The following GYPE variants were observed in gnomAD, a reference collection of about 807,000 sequenced individuals.
GYPE encodes glycophorin-E.
Under a neutral mutation model 11.6 loss-of-function variants are expected in GYPE, and 8 were observed. That is an observed-to-expected ratio of 0.69 (90% confidence interval 0.41 to 1.25). The LOEUF (loss-of-function observed/expected upper bound fraction) is 1.25. GYPE is among the 50% of genes most tolerant of loss of function. The pLI, the probability that GYPE is intolerant of heterozygous loss-of-function variation, is 0.01. For missense variants in GYPE, 90 were observed against 92.8 expected (o/e 0.97, Z 0.12); for synonymous variants, 28 against 29.6 (o/e 0.94, Z 0.18).
chr4:143,897,479 T>C (rs1301333734), intron 1 of GYPE, among the ~76,000 whole-genome samples: 3 of 152,010 alleles, frequency 2.0e-5, no homozygotes, highest in Admixed American at 2.0e-4. Context: ...TAAAAAAAAT[T>C]AAGTTGTATA....
intron 1 of GYPE, among the ~76,000 whole-genome samples, chr4:143,904,615 T>G (rs1298264290): frequency 6.6e-6 from 1 of 152,144 alleles, no homozygotes; most frequent in African/African-American, 2.4e-5. Flanking sequence ...CTCTTCCCTG[T>G]ATGCTACTGT....
chr4:143,891,705 C>T (rs111516901), intron 1 of GYPE, among the ~76,000 whole-genome samples: 9,175 of 152,024 alleles, frequency 0.06, 388 homozygotes, highest in Non-Finnish European at 0.096. Context: ...GGGTGCCGGC[C>T]GTTCACAGGC....
chr4:143,893,607 A>T (rs1360902038), intron 1 of GYPE, among the ~76,000 whole-genome samples: 2 of 152,096 alleles, frequency 1.3e-5, no homozygotes, highest in Non-Finnish European at 2.9e-5. Context: ...TGGATTGAAA[A>T]TTCTTTTCTT....
At chr4:143,899,000 A>G (rs1452309967) in intron 1 of GYPE, among the ~76,000 whole-genome samples, 1 of 142,994 alleles carries the variant, frequency 7.0e-6, no homozygotes, top group African/African-American at 2.6e-5. Flanking sequence ...AAAAAATATA[A>G]TGATGACTGG....
chr4:143,874,507 T>G (rs4240335), intron 3 of GYPE, among the ~76,000 whole-genome samples: 115,475 of 152,166 alleles, frequency 0.76, 44,914 homozygotes, highest in East Asian at 0.95. Flanking sequence ...ATGCAGATGC[T>G]GAACATAGCA....
intron 1 of GYPE, among the ~76,000 whole-genome samples, chr4:143,889,407 A>G: frequency 6.7e-6 from 1 of 149,168 alleles, no homozygotes. Context: ...GCAGAGTTCT[A>G]TTCCTGGCTT....
chr4:143,884,104 C>CT, intron 1 of GYPE, among the ~76,000 whole-genome samples: 1 of 151,282 alleles, frequency 6.6e-6, no homozygotes, highest in Non-Finnish European at 1.5e-5. Flanking sequence ...CTTCCCTTCC[C>CT]TCTTGGGGCT....
At chr4:143,893,784 G>A (rs969663704) in intron 1 of GYPE, among the ~76,000 whole-genome samples, 28 of 151,882 alleles carry the variant, frequency 1.8e-4, no homozygotes, top group African/African-American at 5.3e-4. Flanking sequence ...TGACAATTAC[G>A]TGTCTTGGAG....
intron 1 of GYPE, among the ~76,000 whole-genome samples, chr4:143,894,413 GCT>G: frequency 6.6e-6 from 1 of 152,014 alleles, no homozygotes; most frequent in East Asian, 1.9e-4. Context: ...CAGTTTTTCT[GCT>G]CTGTTTTTTC....
chr4:143,876,685 T>A, intron 3 of GYPE, 61 bp downstream of exon 3: 1 of 821,648 alleles, frequency 1.2e-6, no homozygotes, highest in South Asian at 1.4e-5. Context: ...CTCAGAGGAA[T>A]AAACCCTCCG....
At position 143,897,783 on chromosome 4, in the gene GYPE, A is replaced by C. The variant is rs552495765; in HGVS notation, c.37+7688T>G. Among the ~76,000 whole-genome samples, 70 of 152,150 alleles carry C rather than the reference A, an allele frequency of 4.6e-4. 1 individual carries two copies. Among genetic ancestry groups the C allele is most frequent in the Non-Finnish European group, 7.6e-4 (52 of 68,010 alleles). On this transcript the variant is annotated intron_variant, in intron 1 of 3. Coordinates refer to ENST00000358615, the MANE Select transcript of GYPE (RefSeq NM_198682.3). The stretch of plus-strand genomic sequence containing the variant: ...ACCTTTATCCAGCTTATCTAGCTCC[A>C]GAAAGTCTAAGACTTTATATGTGTG...
At chr4:143,875,065 A>G (rs150216418) in intron 3 of GYPE, among the ~76,000 whole-genome samples, 2,332 of 152,210 alleles carry the variant, frequency 0.015, 58 homozygotes, top group African/African-American at 0.053. Flanking sequence ...TTACAGTGCC[A>G]TTTCAGCAGT....
intron 1 of GYPE, among the ~76,000 whole-genome samples, chr4:143,905,265 G>T (rs1397292418): frequency 3.3e-5 from 5 of 152,096 alleles, no homozygotes. Context: ...TAGAAAACTG[G>T]ATTCGGCCAT....
intron 3 of GYPE, among the ~76,000 whole-genome samples, chr4:143,875,711 T>G (rs548141166): frequency 8.5e-5 from 13 of 152,240 alleles, no homozygotes; most frequent in African/African-American, 3.1e-4. Flanking sequence ...GGCTCACATC[T>G]GTAATCCCAG....
chr4:143,877,795 T>C (rs1460678029), intron 2 of GYPE, among the ~76,000 whole-genome samples: 1 of 148,352 alleles, frequency 6.7e-6, no homozygotes, highest in East Asian at 2.0e-4. Flanking sequence ...AGGGTTAGAA[T>C]GCAGAATAGC....
intron 1 of GYPE, among the ~76,000 whole-genome samples, chr4:143,881,843 A>G (rs1434505070): frequency 1.3e-5 from 2 of 152,288 alleles, no homozygotes; most frequent in South Asian, 2.1e-4. Flanking sequence ...CCCAAGTGCA[A>G]TGGAGTGGAG....
At chr4:143,889,214 C>T (rs1470330231) in intron 1 of GYPE, among the ~76,000 whole-genome samples, 1 of 151,956 alleles carries the variant, frequency 6.6e-6, no homozygotes, top group Non-Finnish European at 1.5e-5. Context: ...GAAGCCTGAA[C>T]TTTTTAGCCT....
chr4:143,880,336 C>T (rs1465105290), intron 2 of GYPE, 75 bp downstream of exon 2: 2 of 1,609,312 alleles, frequency 1.2e-6, no homozygotes, highest in Non-Finnish European at 8.5e-7. Context: ...TCTGCAGTGA[C>T]AGGTCCCCTA....
intron 1 of GYPE, among the ~76,000 whole-genome samples, chr4:143,883,777 A>G (rs552212509): frequency 6.6e-6 from 1 of 151,676 alleles, no homozygotes; most frequent in African/African-American, 2.4e-5. Context: ...TTTAAGACCA[A>G]TGAAATATTT....
Sources: allele counts gnomAD v4.1 joint callset (sites outside exome capture counted in the v4.1 genomes callset), GRCh38; gene constraint gnomAD v4.1.1; transcripts MANE v1.5; gene names NCBI Gene and HGNC (gene_info 2026-07-23, HGNC 2026-07-21).